Variants in EPB41L5 observed in about 807,000 individuals in gnomAD.
The protein encoded by EPB41L5 is erythrocyte membrane protein band 4.1 like 5, also known as band 4.1-like protein 5.
A neutral mutation model predicts 106.6 loss-of-function variants in EPB41L5; 55 were observed. The observed-to-expected ratio is 0.52, with a 90% confidence interval of 0.42 to 0.65. The LOEUF (loss-of-function observed/expected upper bound fraction) is 0.65, where lower values mean the gene tolerates loss of function less well. EPB41L5 is among the 30% of genes least tolerant of loss of function. The pLI is 0.00. For missense variants in EPB41L5, 871 were observed against 882.1 expected, an observed-to-expected ratio of 0.99 and a Z score of 0.16; for synonymous variants, 297 against 306.7, an observed-to-expected ratio of 0.97 and a Z score of 0.33.
chr2:120,070,276 A>G (rs1161523920), intron 3 of EPB41L5, among the ~76,000 whole-genome samples: 1 of 152,180 alleles, frequency 6.6e-6, no homozygotes, highest in Non-Finnish European at 1.5e-5. Context: ...CCAAGACTAA[A>G]CCAGGAAGAA....
At chr2:120,093,398 G>A in intron 14 of EPB41L5, 122 bp downstream of exon 14, 2 of 807,648 alleles carry the variant, frequency 2.5e-6, no homozygotes, top group Non-Finnish European at 4.3e-6. Context: ...CCAGGGATAT[G>A]TCAGGGAATA....
At chr2:120,039,887 T>G (rs551162517) in intron 2 of EPB41L5, among the ~76,000 whole-genome samples, 6 of 151,510 alleles carry the variant, frequency 4.0e-5, no homozygotes, top group African/African-American at 1.4e-4. Context: ...AGAAGTTGTT[T>G]AAGAAGTGGG....
At chr2:120,075,855 A>G in intron 7 of EPB41L5, 102 bp downstream of exon 7, 2 of 951,790 alleles carry the variant, frequency 2.1e-6, no homozygotes, top group African/African-American at 1.6e-5. Context: ...AAGAAACAAC[A>G]CTGTTTTTGT....
At chr2:120,109,719 G>GAGGAAA (rs1684633438) in intron 16 of EPB41L5, among the ~76,000 whole-genome samples, 1 of 152,004 alleles carries the variant, frequency 6.6e-6, no homozygotes, top group Admixed American at 6.5e-5. Context: ...ATTTAAAAAA[G>GAGGAAA]AACTCCCTTG....
chr2:120,155,495 C>T (rs1184774757), intron 20 of EPB41L5, among the ~76,000 whole-genome samples: 2 of 151,952 alleles, frequency 1.3e-5, no homozygotes, highest in Non-Finnish European at 2.9e-5. Context: ...TTGAGTTTAT[C>T]CTGTGGAGTT....
At chr2:120,117,185 A>G (rs1302020095) in intron 16 of EPB41L5, among the ~76,000 whole-genome samples, 1 of 152,130 alleles carries the variant, frequency 6.6e-6, no homozygotes, top group East Asian at 1.9e-4. Flanking sequence ...TCTAACTCCC[A>G]AGTGAGTTGC....
At chr2:120,030,848 C>A (rs1448825446) in intron 2 of EPB41L5, among the ~76,000 whole-genome samples, 3 of 151,880 alleles carry the variant, frequency 2.0e-5, no homozygotes, top group Admixed American at 2.0e-4. Flanking sequence ...AGCCTCCGTG[C>A]CTGGCCTCAA....
At chr2:120,039,620 G>T (rs1679263194) in intron 2 of EPB41L5, among the ~76,000 whole-genome samples, 1 of 151,998 alleles carries the variant, frequency 6.6e-6, no homozygotes, top group Admixed American at 6.6e-5. Context: ...GAGGTCGGGA[G>T]TTCGAGACCA....
intron 3 of EPB41L5, among the ~76,000 whole-genome samples, chr2:120,046,103 G>A (rs143334469): frequency 6.6e-6 from 1 of 152,288 alleles, no homozygotes; most frequent in African/African-American, 2.4e-5. Flanking sequence ...TGTGAATAGT[G>A]CCGCAGTAAA....
At position 120,142,995 on chromosome 2, in the gene EPB41L5, A is replaced by C; in HGVS notation, c.1600-8A>C. 6.2e-7 allele frequency: 1 copy of C among 1,609,286 alleles called. No homozygotes were observed. The highest frequency in any genetic ancestry group is 8.5e-7 in the Non-Finnish European group (1 of 1,176,332). ...GAGTTGATTATAGTATATTTTTAAA[A>C]TATCTAGGAGGAAGTGGTGAAGTTG... On this transcript the variant is annotated splice_polypyrimidine_tract_variant and splice_region_variant and intron_variant, in intron 18 of 24. Coordinates refer to ENST00000263713, the MANE Select transcript of EPB41L5 (RefSeq NM_020909.4).
rs375170840 is a variant in EPB41L5 at position 120,174,945 on chromosome 2, G to A, written c.*38G>A. ...GGAATACGCATCTCTCCAGCATTCCGTCCTGGGATCCGTTTCAGCTAGAAT... is the reference window on the plus strand; with the variant it reads ...GGAATACGCATCTCTCCAGCATTCCATCCTGGGATCCGTTTCAGCTAGAAT... On this transcript the variant is annotated 3_prime_UTR_variant, in exon 25 of 25. Transcript: ENST00000263713. 87 of 1,579,070 alleles carry A rather than the reference G, an allele frequency of 5.5e-5. No individual in the cohort carries two copies. The highest frequency in any genetic ancestry group is 6.8e-5 in the Non-Finnish European group (78 of 1,148,206).
chr2:120,092,906 G>A (rs1404524251), intron 13 of EPB41L5, among the ~76,000 whole-genome samples: 2 of 152,176 alleles, frequency 1.3e-5, no homozygotes, highest in Non-Finnish European at 1.5e-5. Flanking sequence ...TGCCTCTATG[G>A]TGTGAATCCC....
chr2:120,061,496 T>G (rs1019349640), intron 3 of EPB41L5, among the ~76,000 whole-genome samples: 2 of 151,726 alleles, frequency 1.3e-5, no homozygotes, highest in African/African-American at 2.4e-5. Flanking sequence ...GTGCTGGGAT[T>G]ACAGGCGTGA....
chr2:120,046,517 T>C (rs1022643038), intron 3 of EPB41L5, among the ~76,000 whole-genome samples: 2 of 151,664 alleles, frequency 1.3e-5, no homozygotes, highest in African/African-American at 4.8e-5. Context: ...TTTTTTTTTT[T>C]CTTGTAAATT....
chr2:120,108,863 T>C (rs970210819), intron 16 of EPB41L5, among the ~76,000 whole-genome samples: 1 of 152,224 alleles, frequency 6.6e-6, no homozygotes, highest in African/African-American at 2.4e-5. Flanking sequence ...GATTGGGTTC[T>C]CTGGAATATC....
At chr2:120,172,185 G>A (rs1687707093) in intron 24 of EPB41L5, among the ~76,000 whole-genome samples, 1 of 152,150 alleles carries the variant, frequency 6.6e-6, no homozygotes, top group Non-Finnish European at 1.5e-5. Flanking sequence ...TCCTATATAT[G>A]AATCATAGGA....
rs371390949 is a variant in EPB41L5, at chr2:120,087,173, C to T, written c.806C>T (p.Pro269Leu). The change falls in exon 11 of 25, where the codon CCG becomes CTG. Residue 269 changes from proline to leucine, a missense_variant and splice_region_variant. Physicochemically the swap from Pro to Leu is moderately conservative, Grantham distance 98. Coordinates refer to ENST00000263713, the MANE Select transcript of EPB41L5 (RefSeq NM_020909.4). ...TTTATTCTCTTATTATATTATAGGCCGAAGATAACCAGATTGGATTTTAAG... is the reference window on the plus strand; with the variant it reads ...TTTATTCTCTTATTATATTATAGGCTGAAGATAACCAGATTGGATTTTAAG... ...GDTKIGLFFW[P>L]KITRLDFKKN... is the part of the protein sequence containing the mutation. 1.4e-5 allele frequency: 22 copies of T among 1,568,942 alleles called. No homozygotes were observed. Among genetic ancestry groups the T allele is most frequent in the South Asian group, 2.3e-5 (2 of 88,774 alleles).
intron 21 of EPB41L5, among the ~76,000 whole-genome samples, chr2:120,161,672 C>T (rs1351558875): frequency 6.6e-6 from 1 of 152,138 alleles, no homozygotes; most frequent in African/African-American, 2.4e-5. Flanking sequence ...TGCTTCGGAC[C>T]GGTACTGGTC....
intron 16 of EPB41L5, chr2:120,106,010 A>G (rs958216936): frequency 2.3e-5 from 23 of 985,206 alleles, no homozygotes; most frequent in Non-Finnish European, 2.8e-5. Context: ...AATCTGCAGG[A>G]CATGCTCATA....
Sources: allele counts gnomAD v4.1 joint callset (sites outside exome capture counted in the v4.1 genomes callset), GRCh38; gene constraint gnomAD v4.1.1; transcripts MANE v1.5; gene names NCBI Gene and HGNC (gene_info 2026-07-23, HGNC 2026-07-21).